Variants in EXOC4 observed in about 807,000 individuals in gnomAD.
EXOC4 encodes the protein SEC8-like 1.
A neutral mutation model predicts 107.2 loss-of-function variants in EXOC4; 71 were observed. The ratio of observed to expected loss-of-function variants is 0.66; its 90% CI spans 0.55 to 0.81. The LOEUF (loss-of-function observed/expected upper bound fraction) is 0.81. Among genes scored for constraint, EXOC4 ranks in the 30% least tolerant of loss-of-function variants. EXOC4 has a pLI of 0.00. For synonymous variants in EXOC4, 456 were observed against 441.2 expected (o/e 1.03, Z -0.42); for missense variants, 1,108 against 1,189.6 (o/e 0.93, Z 1.01).
At chr7:133,293,421 G>A (rs1023057666) in intron 3 of EXOC4, among the ~76,000 whole-genome samples, 2 of 152,192 alleles carry the variant, frequency 1.3e-5, no homozygotes, top group Non-Finnish European at 2.9e-5. Flanking sequence ...GACATCAGAG[G>A]AAAGTGAAGA....
At chr7:133,540,450 A>C (rs1800356780) in intron 9 of EXOC4, among the ~76,000 whole-genome samples, 1 of 152,206 alleles carries the variant, frequency 6.6e-6, no homozygotes, top group Admixed American at 6.5e-5. Flanking sequence ...CATAGTTCTT[A>C]TTACTTCAGA....
intron 7 of EXOC4, among the ~76,000 whole-genome samples, chr7:133,376,489 CT>C (rs1796493176): frequency 6.6e-6 from 1 of 152,156 alleles, no homozygotes; most frequent in African/African-American, 2.4e-5. Context: ...TTACCCTTTG[CT>C]GTAAGCAACT....
chr7:133,941,544 G>A (rs191980102), intron 14 of EXOC4, among the ~76,000 whole-genome samples: 1 of 152,086 alleles, frequency 6.6e-6, no homozygotes, highest in Admixed American at 6.5e-5. Context: ...ACATAAAAGG[G>A]TCTCCTGGTT....
At chr7:133,798,823 CCTCTA>C (rs1249514568) in intron 10 of EXOC4, among the ~76,000 whole-genome samples, 11 of 152,140 alleles carry the variant, frequency 7.2e-5, no homozygotes, top group Admixed American at 5.9e-4. Context: ...AAGCACAATC[CCTCTA>C]CTCAGAGACA....
intron 10 of EXOC4, among the ~76,000 whole-genome samples, chr7:133,749,922 C>G (rs796269423): frequency 3.4e-5 from 5 of 145,032 alleles, no homozygotes; most frequent in African/African-American, 1.3e-4. Flanking sequence ...ATATTCTGCT[C>G]TCCCTTATTG....
At chr7:133,376,454 A>G (rs1171602937) in intron 7 of EXOC4, among the ~76,000 whole-genome samples, 1 of 152,224 alleles carries the variant, frequency 6.6e-6, no homozygotes, top group East Asian at 1.9e-4. Flanking sequence ...AGAAATAGGG[A>G]CTTCTGTTTC....
At chr7:133,468,558 G>T (rs996546506) in intron 7 of EXOC4, among the ~76,000 whole-genome samples, 21 of 152,066 alleles carry the variant, frequency 1.4e-4, no homozygotes, top group Non-Finnish European at 2.6e-4. Context: ...AGGAATCAAG[G>T]TTATAATTTG....
chr7:133,625,003 C>T (rs944692638), intron 9 of EXOC4, among the ~76,000 whole-genome samples: 1 of 151,974 alleles, frequency 6.6e-6, no homozygotes, highest in Non-Finnish European at 1.5e-5. Context: ...AAAGTTCTTT[C>T]TGTCCTGCTA....
chr7:133,639,386 A>G (rs1802791319), intron 10 of EXOC4, among the ~76,000 whole-genome samples: 1 of 152,174 alleles, frequency 6.6e-6, no homozygotes, highest in Non-Finnish European at 1.5e-5. Context: ...ACATTTGATC[A>G]TTAATATTGC....
intron 7 of EXOC4, among the ~76,000 whole-genome samples, chr7:133,472,667 T>C (rs187275700): frequency 1.3e-5 from 2 of 152,280 alleles, no homozygotes; most frequent in East Asian, 3.9e-4. Context: ...TAAAGGCTAC[T>C]TTTTAAAGTT....
chr7:134,054,854 G>A (rs1467501792), intron 17 of EXOC4, among the ~76,000 whole-genome samples: 1 of 152,008 alleles, frequency 6.6e-6, no homozygotes, highest in Admixed American at 6.5e-5. Flanking sequence ...AGAGTATTTG[G>A]GTCTTTAATT....
In EXOC4 at chr7:133,549,963, A is replaced by C. The variant is rs564864020; in HGVS notation, c.1417+69825A>C. ...TTTCACATTTTTAAGTTTGAAATTT[A>C]TGTGCCTGATACTTTCCATAGCCAT... is the stretch of plus-strand genomic sequence containing the variant. On this transcript the variant is annotated intron_variant, in intron 9 of 17. Coordinates refer to ENST00000253861, the MANE Select transcript of EXOC4 (RefSeq NM_021807.4). 1.5e-3 allele frequency among the ~76,000 whole-genome samples: 235 copies of C among 152,270 alleles called. 2 individuals are homozygous for C. Among genetic ancestry groups the C allele is most frequent in the African/African-American group, 5.2e-3 (217 of 41,564 alleles).
chr7:133,775,967 T>A (rs1161514938), intron 10 of EXOC4, among the ~76,000 whole-genome samples: 2 of 152,230 alleles, frequency 1.3e-5, no homozygotes, highest in African/African-American at 2.4e-5. Flanking sequence ...TGCATCTATC[T>A]TCTTTTTACT....
intron 9 of EXOC4, among the ~76,000 whole-genome samples, chr7:133,509,586 C>T (rs1469735049): frequency 1.3e-5 from 2 of 152,060 alleles, no homozygotes; most frequent in African/African-American, 4.8e-5. Context: ...TCTAAGGCCA[C>T]TTTGAAATTG....
chr7:134,097,008 C>A, the EXOC4 span, among the ~76,000 whole-genome samples: 2 of 151,096 alleles, frequency 1.3e-5, no homozygotes, highest in African/African-American at 4.9e-5. Context: ...CATTTTTTTA[C>A]AGAAAAAAAT....
chr7:133,504,688 G>A (rs1314535327), intron 9 of EXOC4, among the ~76,000 whole-genome samples: 1 of 151,982 alleles, frequency 6.6e-6, no homozygotes, highest in African/African-American at 2.4e-5. Context: ...CTTTAATAGT[G>A]ATCGACTAAT....
At chr7:133,689,602 A>T (rs1794376893) in intron 10 of EXOC4, among the ~76,000 whole-genome samples, 1 of 152,208 alleles carries the variant, frequency 6.6e-6, no homozygotes, top group African/African-American at 2.4e-5. Flanking sequence ...AAAGAATTTG[A>T]CTAGATATCA....
At chr7:133,744,402 G>A (rs927081286) in intron 10 of EXOC4, among the ~76,000 whole-genome samples, 6 of 152,068 alleles carry the variant, frequency 3.9e-5, no homozygotes, top group Non-Finnish European at 7.4e-5. Context: ...TGATTTAAAA[G>A]CACAAACCTT....
chr7:133,583,600 C>A (rs1418439052), intron 9 of EXOC4, among the ~76,000 whole-genome samples: 1 of 152,028 alleles, frequency 6.6e-6, no homozygotes, highest in African/African-American at 2.4e-5. Flanking sequence ...TATGAAGCTT[C>A]TAAAATTTGA....
Sources: allele counts gnomAD v4.1 joint callset (sites outside exome capture counted in the v4.1 genomes callset), GRCh38; gene constraint gnomAD v4.1.1; transcripts MANE v1.5; gene names NCBI Gene and HGNC (gene_info 2026-07-23, HGNC 2026-07-21).